Variants in COXFA4 observed in about 807,000 individuals in gnomAD.
The protein encoded by COXFA4 is cytochrome c oxidase associated subunit FA4.
At chr7:10,939,280 A>T in the COXFA4 span, 1 of 224,062 alleles carries the variant, frequency 4.5e-6, no homozygotes, top group Non-Finnish European at 9.0e-6. Context: ...AATTCTTTGC[A>T]AATTATTTAA....
the COXFA4 span, chr7:10,933,520 C>G: frequency 1.3e-6 from 1 of 775,450 alleles, no homozygotes; most frequent in Non-Finnish European, 2.2e-6. Flanking sequence ...ATAGAGATCT[C>G]CAACATGATT....
chr7:10,932,021 A>G, the COXFA4 span: 3 of 152,200 alleles, frequency 2.0e-5, no homozygotes, highest in South Asian at 6.2e-4. Flanking sequence ...TGTTTACACA[A>G]TTTTAAACTT....
At chr7:10,940,112 C>G in the COXFA4 span, 3 of 1,573,058 alleles carry the variant, frequency 1.9e-6, no homozygotes, top group Admixed American at 1.7e-5. Context: ...GCCACCAGGC[C>G]CTAAGCTAAA....
chr7:10,938,263 T>C, the COXFA4 span: 1,078 of 879,262 alleles, frequency 1.2e-3, 8 homozygotes, highest in African/African-American at 0.016. Context: ...AGGTATGGTG[T>C]TATTTCATTA....
the COXFA4 span, chr7:10,932,467 C>T: frequency 2.6e-5 from 4 of 152,294 alleles, no homozygotes; most frequent in Middle Eastern, 3.4e-3. Context: ...AGATAATCCA[C>T]GTAATTCAAA....
chr7:10,938,966 A>G, the COXFA4 span: 5 of 1,170,196 alleles, frequency 4.3e-6, no homozygotes, highest in Non-Finnish European at 6.4e-6. Context: ...AGATTACAGT[A>G]GTTTCTGCAC....
chr7:10,935,822 C>A, the COXFA4 span, among the ~76,000 whole-genome samples: 1 of 152,078 alleles, frequency 6.6e-6, no homozygotes, highest in Non-Finnish European at 1.5e-5. Context: ...CAAATCTTAG[C>A]GGCTTACAAC....
At chr7:10,934,522 G>A in the COXFA4 span, among the ~76,000 whole-genome samples, 1 of 151,982 alleles carries the variant, frequency 6.6e-6, no homozygotes, top group Non-Finnish European at 1.5e-5. Flanking sequence ...TCATTCTTGT[G>A]CCAAAGAATG....
the COXFA4 span, chr7:10,937,932 G>C: frequency 1.6e-6 from 1 of 638,578 alleles, no homozygotes; most frequent in Non-Finnish European, 2.8e-6. Flanking sequence ...ATTTATTAGA[G>C]CAATATACCA....
At chr7:10,940,100 T>G in the COXFA4 span, 2 of 1,599,674 alleles carry the variant, frequency 1.3e-6, no homozygotes, top group South Asian at 1.1e-5. Flanking sequence ...AGAACCGACC[T>G]AGCCACCAGG....
At chr7:10,939,030 T>C in the COXFA4 span, 3 of 681,314 alleles carry the variant, frequency 4.4e-6, no homozygotes, top group Non-Finnish European at 5.2e-6. Context: ...AAAATTTAAA[T>C]AAAGTAGATC....
chr7:10,939,212 T>G, the COXFA4 span: 1 of 271,308 alleles, frequency 3.7e-6, no homozygotes, highest in East Asian at 8.9e-5. Flanking sequence ...CTCTCTAATA[T>G]TTACATGTCA....
the COXFA4 span, chr7:10,938,144 C>G: frequency 4.0e-5 from 65 of 1,611,656 alleles, no homozygotes; most frequent in African/African-American, 6.7e-4. Flanking sequence ...TATTTCTGTC[C>G]CAACTAAAAG....
chr7:10,934,567 T>C, the COXFA4 span, among the ~76,000 whole-genome samples: 1 of 152,158 alleles, frequency 6.6e-6, no homozygotes, highest in Non-Finnish European at 1.5e-5. Flanking sequence ...TTGAAGACTA[T>C]GTTATTTATC....
the COXFA4 span, chr7:10,933,765 T>C: frequency 2.6e-6 from 3 of 1,150,954 alleles, no homozygotes; most frequent in African/African-American, 1.5e-5. Context: ...TAGAATTCTT[T>C]GTATTTGGTT....
At chr7:10,937,081 T>C in the COXFA4 span, among the ~76,000 whole-genome samples, 7 of 152,052 alleles carry the variant, frequency 4.6e-5, no homozygotes, top group Admixed American at 3.3e-4. Context: ...TAATCCATCA[T>C]AGATGTACAC....
the COXFA4 span, among the ~76,000 whole-genome samples, chr7:10,935,946 T>C: frequency 6.6e-6 from 1 of 152,174 alleles, no homozygotes; most frequent in African/African-American, 2.4e-5. Context: ...AATTTTGGTC[T>C]CATGAGAGAA....
the COXFA4 span, chr7:10,937,892 A>C: frequency 1.4e-5 from 8 of 589,038 alleles, no homozygotes; most frequent in African/African-American, 1.5e-4. Flanking sequence ...TTCTTTTCTT[A>C]TACTAGCAAT....
the COXFA4 span, chr7:10,940,003 G>T: frequency 1.2e-6 from 2 of 1,613,806 alleles, no homozygotes; most frequent in Non-Finnish European, 1.7e-6. Flanking sequence ...TAGGAGAGCG[G>T]TCACGAACTT....
Sources: allele counts gnomAD v4.1 joint callset (sites outside exome capture counted in the v4.1 genomes callset), GRCh38; gene constraint gnomAD v4.1.1; transcripts MANE v1.5; gene names NCBI Gene and HGNC (gene_info 2026-07-23, HGNC 2026-07-21).